The following PCDH11X variants were observed in gnomAD, a reference collection of about 807,000 sequenced individuals.
PCDH11X encodes the protein protocadherin 11 X-linked.
A neutral mutation model predicts 53.3 loss-of-function variants in PCDH11X; 18 were observed. The observed-to-expected ratio is 0.34, with a 90% confidence interval of 0.23 to 0.50. The LOEUF (loss-of-function observed/expected upper bound fraction) is 0.50. PCDH11X is among the 20% of genes least tolerant of loss of function. The pLI, the probability that PCDH11X is intolerant of heterozygous loss-of-function variation, is 0.98. For synonymous variants in PCDH11X, 279 were observed against 393.3 expected (o/e 0.71, Z 3.44); for missense variants, 570 against 1,032.4 (o/e 0.55, Z 6.14).
intron 9 of PCDH11X, among the ~76,000 whole-genome samples, chrX:92,428,151 A>T: frequency 9.3e-6 from 1 of 107,815 alleles, no homozygotes; most frequent in Admixed American, 1.0e-4. Context: ...TGCAGAATAT[A>T]TGTGTGCATC....
At position 92,439,770 on chromosome X, in the gene PCDH11X, G is replaced by A. The variant is rs772782177; in HGVS notation, c.3344-28529G>A. Among the ~76,000 whole-genome samples, 7 of 104,782 alleles carry A rather than the reference G, an allele frequency of 6.7e-5. No homozygotes were observed. The South Asian group carries it at 1.8e-3, about 27-fold the overall frequency. 91.0% of individuals were successfully genotyped at this position (104,782 alleles called of 115,157 possible). ...CTTCCTTCCTACTATCCCTTCTTCT[G>A]CTTGCATCTACTTGTGCATTGGAGA... On this transcript the variant is annotated intron_variant, in intron 9 of 10. Transcript: ENST00000682573.
chrX:92,214,191 G>A (rs1337486540), intron 7 of PCDH11X, among the ~76,000 whole-genome samples: 2 of 111,868 alleles, frequency 1.8e-5, no homozygotes, highest in African/African-American at 6.5e-5. Flanking sequence ...CAGAGTTGGG[G>A]GCCTCATTGC....
chrX:92,108,543 C>T (rs974345640), intron 6 of PCDH11X, among the ~76,000 whole-genome samples: 1 of 111,242 alleles, frequency 9.0e-6, no homozygotes, highest in Non-Finnish European at 1.9e-5. Context: ...CTAAATCTGT[C>T]AATATAATGT....
intron 9 of PCDH11X, among the ~76,000 whole-genome samples, chrX:92,420,809 G>A (rs1192191531): frequency 9.0e-6 from 1 of 111,552 alleles, no homozygotes; most frequent in African/African-American, 3.3e-5. Context: ...GGGTTGCTGA[G>A]CTAATGAATA....
At chrX:92,402,203 C>T (rs1412205525) in intron 9 of PCDH11X, among the ~76,000 whole-genome samples, 1 of 111,567 alleles carries the variant, frequency 9.0e-6, no homozygotes, top group Non-Finnish European at 1.9e-5. Flanking sequence ...TTAAAATGAC[C>T]GTGTTACCCA....
rs748530736 is a variant in PCDH11X at position 92,360,392 on chromosome X, G to A, written c.3145-27343G>A. ...TTGAAACACTGGAACATTTTAACGC[G>A]CAAAATATTTTGAATTTGTGATGTA... On this transcript the variant is annotated intron_variant, in intron 8 of 10. Coordinates refer to ENST00000682573, the MANE Select transcript of PCDH11X (RefSeq NM_032968.5). Among the ~76,000 whole-genome samples, 7 of 111,093 alleles carry A rather than the reference G, an allele frequency of 6.3e-5. No homozygotes were observed. In the East Asian group the frequency reaches 1.1e-3, roughly 18 times the overall value.
intron 6 of PCDH11X, among the ~76,000 whole-genome samples, chrX:91,993,016 A>G (rs1373450985): frequency 9.0e-6 from 1 of 111,551 alleles, no homozygotes; most frequent in Non-Finnish European, 1.9e-5. Flanking sequence ...ATGAGCACTT[A>G]CAATATGCTA....
At chrX:92,351,527 A>C (rs1022945828) in intron 8 of PCDH11X, among the ~76,000 whole-genome samples, 18 of 111,646 alleles carry the variant, frequency 1.6e-4, no homozygotes, top group African/African-American at 3.9e-4. Context: ...TATCTTACTG[A>C]TATCAATGTT....
intron 6 of PCDH11X, among the ~76,000 whole-genome samples, chrX:92,055,707 A>G (rs1236691683): frequency 9.1e-6 from 1 of 109,462 alleles, no homozygotes; most frequent in Non-Finnish European, 1.9e-5. Flanking sequence ...CCCTCCTCCC[A>G]CCCTTCACCA....
intron 6 of PCDH11X, among the ~76,000 whole-genome samples, chrX:91,906,798 A>G (rs2078101137): frequency 9.0e-6 from 1 of 111,525 alleles, no homozygotes; most frequent in African/African-American, 3.3e-5. Flanking sequence ...TTAATTAATT[A>G]TGGTCGTATG....
chrX:91,977,366 A>C (rs1219543342), intron 6 of PCDH11X, among the ~76,000 whole-genome samples: 2 of 112,080 alleles, frequency 1.8e-5, no homozygotes, highest in African/African-American at 6.5e-5. Context: ...CCAGCTTCTG[A>C]CTAAGACTAG....
rs753677856 is a variant in PCDH11X at position 91,878,235 on chromosome X, T to C, written c.1995T>C (p.Asp665=). The change falls in exon 6 of 11, where the codon GAT becomes GAC. Residue 665 remains aspartate, a synonymous_variant. Transcript: ENST00000682573. ...SSAKVTINVV[D]VNDNKPVFIV... is the part of the protein sequence containing the mutation. ...CCAAAGTAACCATAAATGTGGTTGA[T>C]GTCAATGACAACAAACCAGTTTTCA... 7.4e-6 allele frequency: 9 copies of C among 1,211,192 alleles called. No homozygotes were observed. The South Asian group carries it at 1.6e-4, about 21-fold the overall frequency.
chrX:91,879,555 A>G (rs1479099192), intron 6 of PCDH11X: 1 of 1,064,290 alleles, frequency 9.4e-7, no homozygotes, highest in Non-Finnish European at 1.2e-6. Flanking sequence ...ATATTGAAAA[A>G]AACTTCAACA....
chrX:92,428,329 C>T (rs1473449104), intron 9 of PCDH11X, among the ~76,000 whole-genome samples: 2 of 111,305 alleles, frequency 1.8e-5, no homozygotes, highest in African/African-American at 6.5e-5. Flanking sequence ...TTCTCTCTTC[C>T]GTCCCACCAA....
chrX:92,221,848 T>G (rs1315624164), intron 7 of PCDH11X, among the ~76,000 whole-genome samples: 2 of 111,243 alleles, frequency 1.8e-5, no homozygotes, highest in Non-Finnish European at 3.8e-5. Flanking sequence ...TAGATTTTTT[T>G]TTTTTGAGAC....
At chrX:91,824,068 A>T (rs1194720795) in intron 4 of PCDH11X, among the ~76,000 whole-genome samples, 3 of 111,374 alleles carry the variant, frequency 2.7e-5, no homozygotes, top group South Asian at 3.8e-4. Context: ...GGGCTTCCCT[A>T]TGAGGGTGAC....
At chrX:92,579,654 G>A (rs5985003) in intron 10 of PCDH11X, among the ~76,000 whole-genome samples, 39,908 of 109,626 alleles carry the variant, frequency 0.36, 6,240 homozygotes, top group African/African-American at 0.57. Context: ...ATGTTTTATC[G>A]TGGTTCTTAG....
chrX:92,108,907 T>C (rs1002901895), intron 6 of PCDH11X, among the ~76,000 whole-genome samples: 55 of 111,882 alleles, frequency 4.9e-4, no homozygotes, highest in African/African-American at 1.7e-3. Flanking sequence ...TTTGTAATAC[T>C]GTAACCGCCC....
At chrX:92,416,973 C>T (rs777036107) in intron 9 of PCDH11X, among the ~76,000 whole-genome samples, 15 of 109,981 alleles carry the variant, frequency 1.4e-4, no homozygotes, top group South Asian at 7.8e-4. Context: ...TTTCATATAC[C>T]GGACAATTAC....
Sources: allele counts gnomAD v4.1 joint callset (sites outside exome capture counted in the v4.1 genomes callset), GRCh38; gene constraint gnomAD v4.1.1; transcripts MANE v1.5; gene names NCBI Gene and HGNC (gene_info 2026-07-23, HGNC 2026-07-21).